The following EPHA3 variants were observed in gnomAD, a reference collection of about 807,000 sequenced individuals.
EPHA3 encodes EPH receptor A3, also known as ephrin type-A receptor 3.
A neutral mutation model predicts 107.1 loss-of-function variants in EPHA3; 42 were observed. The ratio of observed to expected loss-of-function variants is 0.39; its 90% CI spans 0.31 to 0.51. The LOEUF (loss-of-function observed/expected upper bound fraction) is 0.51, where lower values mean the gene tolerates loss of function less well. Ranked by LOEUF, EPHA3 falls within the 20% of genes least tolerant of loss-of-function variation. The pLI, the probability that EPHA3 is intolerant of heterozygous loss-of-function variation, is 0.78. For missense variants in EPHA3, 1,183 were observed against 1,211.2 expected (o/e 0.98, Z 0.35); for synonymous variants, 461 against 424.8 (o/e 1.09, Z -1.05).
chr3:89,469,452 A>G (rs1710358772), intron 15 of EPHA3, among the ~76,000 whole-genome samples: 1 of 152,192 alleles, frequency 6.6e-6, no homozygotes, highest in Non-Finnish European at 1.5e-5. Context: ...CAAACTTCTC[A>G]TATGTTCCAA....
Position 89,449,124 on chromosome 3 carries a change from C to A in EPHA3, c.2347-101C>A. The A allele has an allele frequency of 2.6e-6, 3 of 1,175,758 alleles. No individual in the cohort carries two copies. In the South Asian group the frequency reaches 8.9e-5, roughly 35 times the overall value. The allele number at this position is 1,175,758 out of a possible 1,614,324, so 72.8% of individuals were successfully genotyped here. A position where few individuals can be genotyped will look rare whatever the true frequency, so the allele number is the denominator to read the frequency against. ...CAGAAATGCATATTCCATTTCAGAACAGAAATACTATGAGAAATTCTGTCC... is the reference window on the plus strand; with the variant it reads ...CAGAAATGCATATTCCATTTCAGAAAAGAAATACTATGAGAAATTCTGTCC... On this transcript the variant is annotated intron_variant, in intron 13 of 16. Transcript: ENST00000336596.
At chr3:89,297,559 G>T (rs916851464) in intron 3 of EPHA3, among the ~76,000 whole-genome samples, 3 of 151,986 alleles carry the variant, frequency 2.0e-5, no homozygotes, top group Non-Finnish European at 2.9e-5. Context: ...CACCATAAAA[G>T]GTATAATAGT....
At chr3:89,438,210 G>A (rs1277821829) in intron 13 of EPHA3, among the ~76,000 whole-genome samples, 2 of 151,842 alleles carry the variant, frequency 1.3e-5, no homozygotes, top group African/African-American at 2.4e-5. Flanking sequence ...CCGGGTTCAC[G>A]CCATTCTCCT....
chr3:89,281,869 C>A (rs1705957033), intron 3 of EPHA3, among the ~76,000 whole-genome samples: 1 of 152,150 alleles, frequency 6.6e-6, no homozygotes, highest in African/African-American at 2.4e-5. Context: ...ATACACATGG[C>A]TAATTCCAAT....
chr3:89,259,330 C>T (rs1705361997), intron 3 of EPHA3, among the ~76,000 whole-genome samples: 2 of 151,974 alleles, frequency 1.3e-5, no homozygotes, highest in African/African-American at 4.8e-5. Flanking sequence ...GTCTTTTTAG[C>T]CATTATGTCC....
At chr3:89,292,276 A>G (rs75661127) in intron 3 of EPHA3, among the ~76,000 whole-genome samples, 2 of 152,254 alleles carry the variant, frequency 1.3e-5, no homozygotes, top group Non-Finnish European at 2.9e-5. Flanking sequence ...AAATAACACA[A>G]ATTTTAATAT....
chr3:89,299,258 A>G (rs1706429776), intron 3 of EPHA3, among the ~76,000 whole-genome samples: 1 of 152,098 alleles, frequency 6.6e-6, no homozygotes. Flanking sequence ...GAAAACTATT[A>G]TACTTAATCA....
intron 2 of EPHA3, among the ~76,000 whole-genome samples, chr3:89,156,272 ATC>A (rs1362274610): frequency 6.6e-6 from 1 of 152,050 alleles, no homozygotes; most frequent in Non-Finnish European, 1.5e-5. Flanking sequence ...CTTCCTTTGT[ATC>A]TGGGTGTTCC....
intron 5 of EPHA3, among the ~76,000 whole-genome samples, chr3:89,381,301 T>C (rs13071031): frequency 6.6e-6 from 1 of 151,988 alleles, no homozygotes; most frequent in Non-Finnish European, 1.5e-5. Flanking sequence ...TGTGTATAAG[T>C]TAAACATCAA....
chr3:89,257,704 A>G (rs1311327458), intron 3 of EPHA3, among the ~76,000 whole-genome samples: 1 of 103,808 alleles, frequency 9.6e-6, no homozygotes, highest in Non-Finnish European at 2.2e-5. Flanking sequence ...CAGTAGTAAT[A>G]CAAATATCAA....
At chr3:89,342,858 T>TACACACAC (rs144807058) in intron 5 of EPHA3, among the ~76,000 whole-genome samples, 2,061 of 139,272 alleles carry the variant, frequency 0.015, 39 homozygotes, top group African/African-American at 0.042. Context: ...TTTTTACACA[T>TACACACAC]ACACACACAC....
intron 1 of EPHA3, among the ~76,000 whole-genome samples, chr3:89,123,765 C>T (rs1315573146): frequency 2.6e-5 from 4 of 152,142 alleles, no homozygotes; most frequent in Non-Finnish European, 2.9e-5. Context: ...AGAATCATGA[C>T]ATTTAAAAAC....
chr3:89,401,071 T>C (rs116060548), intron 7 of EPHA3, among the ~76,000 whole-genome samples: 1,725 of 152,316 alleles, frequency 0.011, 39 homozygotes, highest in African/African-American at 0.039. Flanking sequence ...GGTATATTTT[T>C]GTGTCCAAAT....
intron 13 of EPHA3, among the ~76,000 whole-genome samples, chr3:89,438,746 T>C (rs1709723645): frequency 6.6e-6 from 1 of 152,178 alleles, no homozygotes; most frequent in Non-Finnish European, 1.5e-5. Flanking sequence ...AACTACGAAT[T>C]TATTGCCTCC....
rs182238354 is a variant in EPHA3 at position 89,266,878 on chromosome 3, G to A, written c.814+56358G>A. On this transcript the variant is annotated intron_variant, in intron 3 of 16. Transcript: ENST00000336596. ...TAACATTCTCAAAACCCATTTTAAC[G>A]TGTTCAAATACAATTTTCTTCAGAA... 3.9e-3 allele frequency among the ~76,000 whole-genome samples: 596 copies of A among 151,976 alleles called. 6 individuals are homozygous for A. Among genetic ancestry groups the A allele is most frequent in the African/African-American group, 0.014 (584 of 41,472 alleles).
At chr3:89,153,243 T>C (rs1704725748) in intron 2 of EPHA3, among the ~76,000 whole-genome samples, 1 of 152,090 alleles carries the variant, frequency 6.6e-6, no homozygotes, top group Non-Finnish European at 1.5e-5. Context: ...AAGATGAGAA[T>C]GTTTCATATA....
intron 13 of EPHA3, among the ~76,000 whole-genome samples, chr3:89,442,621 T>C (rs2107547504): frequency 6.6e-6 from 1 of 152,246 alleles, no homozygotes; most frequent in African/African-American, 2.4e-5. Context: ...AACAGTGCCC[T>C]TCTAGAGAAA....
intron 2 of EPHA3, among the ~76,000 whole-genome samples, chr3:89,131,033 A>C (rs1316733714): frequency 6.6e-6 from 1 of 152,232 alleles, no homozygotes; most frequent in Non-Finnish European, 1.5e-5. Flanking sequence ...TAATTCTCCA[A>C]ATAAATATCT....
intron 14 of EPHA3, among the ~76,000 whole-genome samples, chr3:89,449,805 AC>A (rs1318178107): frequency 6.6e-6 from 1 of 152,126 alleles, no homozygotes; most frequent in Admixed American, 6.6e-5. Context: ...TATAACTAAA[AC>A]CTGTATAGTA....
Sources: allele counts gnomAD v4.1 joint callset (sites outside exome capture counted in the v4.1 genomes callset), GRCh38; gene constraint gnomAD v4.1.1; transcripts MANE v1.5; gene names NCBI Gene and HGNC (gene_info 2026-07-23, HGNC 2026-07-21).